The following GPHN variants were observed in gnomAD, a reference collection of about 807,000 sequenced individuals.
The protein encoded by GPHN is gephyrin.
Under a neutral mutation model 95.5 loss-of-function variants are expected in GPHN, and 17 were observed. That is an observed-to-expected ratio of 0.18 (90% CI 0.12 to 0.27). The LOEUF is 0.27. Among genes scored for constraint, GPHN ranks in the 10% least tolerant of loss-of-function variants. The pLI is 1.00. For synonymous variants in GPHN, 320 were observed against 322.5 expected, an observed-to-expected ratio of 0.99 and a Z score of 0.08; for missense variants, 660 against 978.1, an observed-to-expected ratio of 0.67 and a Z score of 4.34.
intron 8 of GPHN, among the ~76,000 whole-genome samples, chr14:66,943,291 T>C (rs1039452293): frequency 6.6e-6 from 1 of 152,208 alleles, no homozygotes; most frequent in Non-Finnish European, 1.5e-5. Flanking sequence ...TTATTTCCAG[T>C]AGTTTGAGTT....
At chr14:67,584,486 G>GT in the GPHN span, among the ~76,000 whole-genome samples, 2 of 152,180 alleles carry the variant, frequency 1.3e-5, no homozygotes, top group African/African-American at 4.8e-5. Flanking sequence ...GCATACAGGG[G>GT]AATCAAATTA....
chr14:66,629,054 G>GT (rs2063628813), intron 1 of GPHN, among the ~76,000 whole-genome samples: 1 of 141,874 alleles, frequency 7.0e-6, no homozygotes, highest in Non-Finnish European at 1.5e-5. Context: ...GGGAGACAGA[G>GT]TAAGACCCCA....
At chr14:67,692,761 C>G in the GPHN span, 1 of 865,682 alleles carries the variant, frequency 1.2e-6, no homozygotes, top group Non-Finnish European at 1.8e-6. Flanking sequence ...TAATAATATT[C>G]ATTAAGGGTC....
At chr14:67,544,359 TG>T in the GPHN span, among the ~76,000 whole-genome samples, 1 of 152,112 alleles carries the variant, frequency 6.6e-6, no homozygotes, top group African/African-American at 2.4e-5. Flanking sequence ...GTGATACCCC[TG>T]GGGAGCCTGG....
chr14:67,248,297 G>A, the GPHN span, among the ~76,000 whole-genome samples: 3 of 151,844 alleles, frequency 2.0e-5, no homozygotes, highest in African/African-American at 7.3e-5. Flanking sequence ...GAGGTGGGAG[G>A]GTCGCTTGAG....
At chr14:66,875,001 C>G (rs979575711) in intron 4 of GPHN, among the ~76,000 whole-genome samples, 2 of 152,076 alleles carry the variant, frequency 1.3e-5, no homozygotes, top group Non-Finnish European at 2.9e-5. Context: ...GTAAGGGCAG[C>G]CAGAGAGAAA....
the GPHN span, among the ~76,000 whole-genome samples, chr14:67,466,158 C>G: frequency 6.6e-6 from 1 of 152,250 alleles, no homozygotes; most frequent in Non-Finnish European, 1.5e-5. Flanking sequence ...GCCCCAGGAC[C>G]CTTCGCCATC....
chr14:67,298,756 ACTG>A, the GPHN span, among the ~76,000 whole-genome samples: 8 of 152,322 alleles, frequency 5.3e-5, 1 homozygote, highest in Admixed American at 5.2e-4. Flanking sequence ...AAAACATACA[ACTG>A]CTATCAAGTT....
At chr14:67,425,847 C>T in the GPHN span, among the ~76,000 whole-genome samples, 2 of 152,006 alleles carry the variant, frequency 1.3e-5, no homozygotes, top group Non-Finnish European at 2.9e-5. Flanking sequence ...TGATAGTATC[C>T]TGAGAGCCAG....
At chr14:66,548,013 A>G (rs2059663567) in intron 1 of GPHN, among the ~76,000 whole-genome samples, 1 of 151,846 alleles carries the variant, frequency 6.6e-6, no homozygotes, top group African/African-American at 2.4e-5. Context: ...GTTTGTGGCA[A>G]CCTTTTATCC....
At chr14:67,586,493 C>T in the GPHN span, 9 of 1,028,142 alleles carry the variant, frequency 8.8e-6, 1 homozygote, top group Non-Finnish European at 1.2e-5. Context: ...GCTGACCCAA[C>T]ATTAGCTACA....
chr14:66,793,599 CTG>C (rs979760324), intron 3 of GPHN, among the ~76,000 whole-genome samples: 13 of 151,758 alleles, frequency 8.6e-5, no homozygotes, highest in African/African-American at 2.9e-4. Context: ...ATATATATAT[CTG>C]TGTGTGATTG....
intron 4 of GPHN, among the ~76,000 whole-genome samples, chr14:66,842,913 A>G (rs2153509055): frequency 6.6e-6 from 1 of 151,928 alleles, no homozygotes. Context: ...TGCTATTTCC[A>G]TTTGTGTGCT....
chr14:67,198,251 A>G, the GPHN span: 2,750 of 1,613,902 alleles, frequency 1.7e-3, 33 homozygotes, highest in African/African-American at 0.025. Flanking sequence ...GAGATCTTCA[A>G]AATATGTTGG....
chr14:66,799,497 T>C (rs1023745232), intron 3 of GPHN, among the ~76,000 whole-genome samples: 3 of 152,016 alleles, frequency 2.0e-5, no homozygotes, highest in Non-Finnish European at 4.4e-5. Context: ...GCTCAAGTAC[T>C]GGGGGCATAC....
At chr14:67,562,367 T>C in the GPHN span, 1 of 1,613,638 alleles carries the variant, frequency 6.2e-7, no homozygotes, top group Non-Finnish European at 8.5e-7. Flanking sequence ...CACGGTCCAT[T>C]CTGGGGAAAC....
intron 5 of GPHN, among the ~76,000 whole-genome samples, chr14:66,880,984 C>T (rs1366790351): frequency 6.6e-6 from 1 of 151,922 alleles, no homozygotes; most frequent in African/African-American, 2.4e-5. Context: ...TGTATAGTTT[C>T]AGGGTTTCAT....
At chr14:67,685,296 T>C in the GPHN span, 1 of 974,450 alleles carries the variant, frequency 1.0e-6, no homozygotes, top group African/African-American at 1.6e-5. Flanking sequence ...GCATGTGACC[T>C]TCACATATGG....
the GPHN span, among the ~76,000 whole-genome samples, chr14:67,292,904 T>C: frequency 9.8e-5 from 15 of 152,312 alleles, 1 homozygote; most frequent in Non-Finnish European, 1.6e-4. Flanking sequence ...AAAAGTTTAC[T>C]TCAGAGTCAG....
Sources: gnomAD v4.1 joint callset for allele counts (sites outside exome capture counted in the v4.1 genomes callset) on GRCh38, gnomAD v4.1.1 for gene constraint, MANE v1.5 for transcripts, NCBI Gene and HGNC (gene_info 2026-07-23, HGNC 2026-07-21) for gene names.